The following SHOC1 variants were observed in gnomAD, a reference collection of about 807,000 sequenced individuals.
SHOC1 encodes the protein protein shortage in chiasmata 1 ortholog.
In SHOC1, 136 loss-of-function variants were observed where a neutral mutation model predicts 179.2. The ratio of observed to expected loss-of-function variants is 0.76; its 90% CI spans 0.66 to 0.87. SHOC1 has a LOEUF of 0.87. Ranked by LOEUF, SHOC1 falls within the 40% of genes least tolerant of loss-of-function variation. SHOC1 has a pLI of 0.00. For missense variants in SHOC1, 1,538 were observed against 1,700.8 expected, an observed-to-expected ratio of 0.90 and a Z score of 1.68; for synonymous variants, 489 against 586.6, an observed-to-expected ratio of 0.83 and a Z score of 2.41.
chr9:111,729,627 C>G (rs1457917073), intron 12 of SHOC1, among the ~76,000 whole-genome samples: 1 of 152,186 alleles, frequency 6.6e-6, no homozygotes, highest in Non-Finnish European at 1.5e-5. Context: ...AGGAGCGTGG[C>G]TCATGCCTAT....
At chr9:111,717,238 T>C (rs1216274035) in intron 16 of SHOC1, among the ~76,000 whole-genome samples, 1 of 152,226 alleles carries the variant, frequency 6.6e-6, no homozygotes, top group Non-Finnish European at 1.5e-5. Context: ...TTTTACTTTA[T>C]GTTTGAAATA....
At chr9:111,794,639 T>G (rs967701966) in intron 1 of SHOC1, among the ~76,000 whole-genome samples, 2 of 152,088 alleles carry the variant, frequency 1.3e-5, no homozygotes, top group African/African-American at 2.4e-5. Context: ...CTATTTTCCC[T>G]TATTGTTTAG....
intron 24 of SHOC1, among the ~76,000 whole-genome samples, chr9:111,698,002 T>A (rs1328476427): frequency 2.6e-5 from 4 of 152,234 alleles, no homozygotes; most frequent in Non-Finnish European, 5.9e-5. Context: ...TTGAGAAGTG[T>A]CTGTTCATAT....
chr9:111,745,697 T>C (rs1419300613), intron 10 of SHOC1, among the ~76,000 whole-genome samples: 1 of 152,154 alleles, frequency 6.6e-6, no homozygotes, highest in South Asian at 2.1e-4. Context: ...CCTCCAGAAC[T>C]GTGAAGGAAT....
chr9:111,765,072 C>G (rs1381723839), intron 5 of SHOC1, among the ~76,000 whole-genome samples: 1 of 150,336 alleles, frequency 6.7e-6, no homozygotes, highest in Non-Finnish European at 1.5e-5. Context: ...ACCCGGGAGG[C>G]AGAGGTTGCT....
intron 26 of SHOC1, 138 bp downstream of exon 26, chr9:111,693,661 G>A (rs1831552420): frequency 2.2e-6 from 1 of 450,608 alleles, no homozygotes; most frequent in Non-Finnish European, 3.9e-6. Flanking sequence ...TTTAGTTCAA[G>A]TAAATTATTT....
At chr9:111,688,920 G>A (rs1564098645) in intron 27 of SHOC1, among the ~76,000 whole-genome samples, 1 of 151,972 alleles carries the variant, frequency 6.6e-6, no homozygotes, top group Non-Finnish European at 1.5e-5. Context: ...CACCTTATAT[G>A]GCTTTTTAAA....
chr9:111,718,320 G>T, intron 15 of SHOC1, 32 bp from the exon 16 acceptor site: 1 of 1,402,294 alleles, frequency 7.1e-7, no homozygotes, highest in South Asian at 1.3e-5. Context: ...TTAAAACATA[G>T]ACTATACATT....
chr9:111,769,986 GTTTTTTTTTTTTTTTT>G (rs769266659), intron 5 of SHOC1, among the ~76,000 whole-genome samples: 1 of 77,662 alleles, frequency 1.3e-5, no homozygotes, highest in Admixed American at 1.3e-4. Flanking sequence ...TTTTTTTTTT[GTTTTTTTTTTTTTTTT>G]TTTTTTAGTC....
At chr9:111,779,629 C>T (rs888815432) in intron 4 of SHOC1, among the ~76,000 whole-genome samples, 1 of 147,104 alleles carries the variant, frequency 6.8e-6, no homozygotes, top group Admixed American at 6.7e-5. Context: ...CACAGCTCTA[C>T]CAATCTAACT....
At chr9:111,736,933 T>G (rs1833836128) in intron 12 of SHOC1, among the ~76,000 whole-genome samples, 1 of 152,186 alleles carries the variant, frequency 6.6e-6, no homozygotes, top group Non-Finnish European at 1.5e-5. Context: ...AAAGAAGACT[T>G]ACAAGACTTA....
At chr9:111,737,949 T>A in intron 12 of SHOC1, 1 of 319,992 alleles carries the variant, frequency 3.1e-6, no homozygotes, top group East Asian at 5.4e-5. Flanking sequence ...CTGGTTTGCG[T>A]CTAGGCCAAT....
chr9:111,779,046 T>G (rs918631017), intron 4 of SHOC1, among the ~76,000 whole-genome samples: 3 of 147,090 alleles, frequency 2.0e-5, no homozygotes, highest in Non-Finnish European at 4.5e-5. Flanking sequence ...TTGCAGTGAG[T>G]TGAGATTGCA....
At chr9:111,747,398 G>A (rs1177266993) in intron 9 of SHOC1, among the ~76,000 whole-genome samples, 1 of 151,730 alleles carries the variant, frequency 6.6e-6, no homozygotes, top group African/African-American at 2.4e-5. Context: ...CATTGCTTTG[G>A]GAGATTAAAA....
intron 1 of SHOC1, among the ~76,000 whole-genome samples, chr9:111,792,974 C>G (rs1251738061): frequency 6.6e-6 from 1 of 152,074 alleles, no homozygotes; most frequent in African/African-American, 2.4e-5. Context: ...GTTCCGCCTC[C>G]CAGGTTCACG....
chr9:111,723,947 T>C (rs1298609827), intron 13 of SHOC1, 36 bp from the exon 14 acceptor site: 2 of 1,414,276 alleles, frequency 1.4e-6, no homozygotes, highest in South Asian at 2.6e-5. Context: ...ATTTTTGTTG[T>C]TCAAGAGAAA....
Position 111,723,877 on chromosome 9 carries a change from T to C in SHOC1, c.1869A>G (p.Glu623=), listed in dbSNP as rs1156768139. The C allele has an allele frequency of 1.3e-6, 2 of 1,580,720 alleles. No homozygotes were observed. The highest frequency in any genetic ancestry group is 2.7e-5 in the African/African-American group (2 of 74,362). Residue 623 remains glutamate, a synonymous_variant, in exon 14 of 28, where the codon GAA becomes GAG. Transcript: ENST00000682961. ...KEACSLTLQE[E]SPIVHINKTL... ...TTTTATTAATATGAACAATAGGACT[T>C]TCTTCTTGAAGTGTCAAAGAACATG...
intron 12 of SHOC1, among the ~76,000 whole-genome samples, chr9:111,735,804 C>G (rs934145755): frequency 1.3e-5 from 2 of 152,226 alleles, no homozygotes; most frequent in South Asian, 4.1e-4. Context: ...CTCCTACCAA[C>G]AGTGTAAAAG....
At chr9:111,743,004 GCAGT>G (rs1834113658) in intron 10 of SHOC1, among the ~76,000 whole-genome samples, 2 of 152,166 alleles carry the variant, frequency 1.3e-5, no homozygotes, top group South Asian at 2.1e-4. Flanking sequence ...TCACAAGTCA[GCAGT>G]CAGTTAGTAG....
Sources: allele counts gnomAD v4.1 joint callset (sites outside exome capture counted in the v4.1 genomes callset), GRCh38; gene constraint gnomAD v4.1.1; transcripts MANE v1.5; gene names NCBI Gene and HGNC (gene_info 2026-07-23, HGNC 2026-07-21).